Variants in SMC2 observed in about 807,000 individuals in gnomAD.
SMC2 encodes the protein structural maintenance of chromosomes 2.
In SMC2, 41 loss-of-function variants were observed where a neutral mutation model predicts 142.6. The observed-to-expected ratio is 0.29, with a 90% CI of 0.22 to 0.37. The LOEUF (loss-of-function observed/expected upper bound fraction) is 0.37. Among genes scored for constraint, SMC2 ranks in the 10% least tolerant of loss-of-function variants. The pLI is 1.00. For synonymous variants in SMC2, 463 were observed against 457.5 expected, an observed-to-expected ratio of 1.01 and a Z score of -0.15; for missense variants, 1,265 against 1,373.7, an observed-to-expected ratio of 0.92 and a Z score of 1.25.
intron 22 of SMC2, among the ~76,000 whole-genome samples, 193 bp downstream of exon 22, chr9:104,132,318 C>T (rs1835069538): frequency 6.6e-6 from 1 of 152,072 alleles, no homozygotes; most frequent in South Asian, 2.1e-4. Flanking sequence ...TCCTGGCATT[C>T]TTGTACTTCT....
intron 18 of SMC2, among the ~76,000 whole-genome samples, chr9:104,125,720 T>C (rs1834194650): frequency 6.6e-6 from 1 of 152,196 alleles, no homozygotes; most frequent in Admixed American, 6.5e-5. Context: ...CAAAGCATGT[T>C]ATATTTACAA....
chr9:104,136,755 CTT>C (rs755408895), intron 23 of SMC2, among the ~76,000 whole-genome samples: 11 of 119,800 alleles, frequency 9.2e-5, no homozygotes, highest in Middle Eastern at 4.1e-3. Flanking sequence ...CTGTTTTATT[CTT>C]TTTTTTTTTT....
chr9:104,114,108 A>T (rs141153206), intron 12 of SMC2, 27 bp downstream of exon 12: 18,628 of 1,288,376 alleles, frequency 0.014, 176 homozygotes, highest in Non-Finnish European at 0.018. Flanking sequence ...TTGAATTTTA[A>T]CATAGTAATA....
chr9:104,134,161 A>G (rs112014162), intron 22 of SMC2, among the ~76,000 whole-genome samples: 11 of 152,052 alleles, frequency 7.2e-5, no homozygotes, highest in African/African-American at 2.7e-4. Context: ...AAAGGGCCAT[A>G]TAGTAAATAT....
intron 16 of SMC2, 71 bp from the exon 17 acceptor site, chr9:104,123,037 T>A: frequency 5.4e-6 from 8 of 1,476,566 alleles, no homozygotes; most frequent in Non-Finnish European, 4.6e-6. Context: ...GGTAAGAATC[T>A]GAAGTTTGAA....
intron 16 of SMC2, among the ~76,000 whole-genome samples, chr9:104,122,647 A>G (rs1833863178): frequency 1.3e-5 from 2 of 152,132 alleles, no homozygotes; most frequent in African/African-American, 4.8e-5. Flanking sequence ...TAAACAACTA[A>G]GTTCAAAACT....
intron 23 of SMC2, among the ~76,000 whole-genome samples, chr9:104,136,857 G>A (rs1000347323): frequency 2.0e-5 from 3 of 148,370 alleles, no homozygotes; most frequent in South Asian, 2.1e-4. Context: ...AATGCAGCAA[G>A]CCTTCGGCCA....
Position 104,111,522 on chromosome 9 carries a change from A to G in SMC2, c.1021-59A>G. The stretch of plus-strand genomic sequence containing the variant: ...TTTTATTACATAAGGGTATGCGTAT[A>G]AGAAAGTGGGTGTTTTTCCTGAAAT... On this transcript the variant is annotated intron_variant, in intron 9 of 24. Coordinates refer to ENST00000374793, the MANE Select transcript of SMC2 (RefSeq NM_006444.3). The G allele has an allele frequency of 6.5e-6, 7 of 1,079,144 alleles. No homozygotes were observed. In the South Asian group the frequency reaches 8.5e-5, roughly 13 times the overall value. The allele number at this position is 1,079,144 out of a possible 1,614,324, so 66.8% of individuals were successfully genotyped here.
At chr9:104,096,902 A>ATCTT (rs1258568692) in intron 3 of SMC2, among the ~76,000 whole-genome samples, 1 of 152,092 alleles carries the variant, frequency 6.6e-6, no homozygotes, top group Admixed American at 6.6e-5. Flanking sequence ...GCATTCATCT[A>ATCTT]TCTTTCTTTC....
intron 9 of SMC2, among the ~76,000 whole-genome samples, chr9:104,110,243 A>G (rs985109617): frequency 1.3e-5 from 2 of 152,206 alleles, no homozygotes; most frequent in African/African-American, 2.4e-5. Context: ...GCTACAAAAA[A>G]TAGTTGAGTG....
chr9:104,088,413 G>A, the SMC2 span, among the ~76,000 whole-genome samples: 1 of 152,018 alleles, frequency 6.6e-6, no homozygotes, highest in Non-Finnish European at 1.5e-5. Context: ...TGAGAATGGA[G>A]GTCAGAAGAA....
intron 18 of SMC2, among the ~76,000 whole-genome samples, chr9:104,126,046 A>G (rs907922830): frequency 2.0e-5 from 3 of 152,188 alleles, no homozygotes; most frequent in South Asian, 2.1e-4. Flanking sequence ...CTGTGGCATT[A>G]GATTCTCAGA....
intron 23 of SMC2, among the ~76,000 whole-genome samples, 170 bp downstream of exon 23, chr9:104,134,745 A>G (rs1408387507): frequency 6.6e-6 from 1 of 152,144 alleles, no homozygotes; most frequent in Non-Finnish European, 1.5e-5. Flanking sequence ...TAGGTGACAA[A>G]GGAGGAATAA....
rs140696209 is a variant in SMC2 at position 104,129,690 on chromosome 9, C to T, written c.2836C>T (p.His946Tyr). 5.1e-5 allele frequency: 82 copies of T among 1,613,834 alleles called. No individual in the cohort carries two copies. The highest frequency in any genetic ancestry group is 6.3e-5 in the Non-Finnish European group (74 of 1,179,928). The change falls in exon 21 of 25, where the codon CAC becomes TAC. Residue 946 changes from histidine to tyrosine, a missense_variant. Physicochemically the swap from His to Tyr is moderately conservative, Grantham distance 83 (BLOSUM62 2). This residue lies in a region of SMC2 where 898 missense variants were observed against 904.2 expected (regional missense o/e 0.99). Coordinates refer to ENST00000374793, the MANE Select transcript of SMC2 (RefSeq NM_006444.3). ...KDYDWINAERHLFGQPNSAYD... is the reference protein window; with the variant it reads ...KDYDWINAERYLFGQPNSAYD... The stretch of plus-strand genomic sequence containing the variant: ...TTATGACTGGATTAATGCAGAGAGA[C>T]ACCTCTTTGGCCAACCCAATAGTGC...
intron 9 of SMC2, among the ~76,000 whole-genome samples, chr9:104,109,231 C>A (rs1048866157): frequency 6.6e-6 from 1 of 152,170 alleles, no homozygotes; most frequent in Non-Finnish European, 1.5e-5. Context: ...ACTACCCAAA[C>A]CCACCTGAGT....
intron 15 of SMC2, among the ~76,000 whole-genome samples, chr9:104,118,923 G>A (rs780699587): frequency 6.6e-6 from 1 of 152,072 alleles, no homozygotes; most frequent in Non-Finnish European, 1.5e-5. Context: ...TAATAACAAC[G>A]ATGAGGTAGG....
chr9:104,134,640 T>A, intron 23 of SMC2, 65 bp downstream of exon 23: 3 of 1,131,756 alleles, frequency 2.7e-6, no homozygotes, highest in Non-Finnish European at 3.7e-6. Flanking sequence ...CTCCTTACCT[T>A]AAAACTGTAT....
chr9:104,139,471 A>G lies in SMC2; in HGVS notation c.*156A>G, dbSNP rs912237269. 8.9e-6 allele frequency: 5 copies of G among 560,644 alleles called. No homozygotes were observed. The highest frequency in any genetic ancestry group is 2.8e-5 in the South Asian group (1 of 35,430). 34.7% of individuals were successfully genotyped at this position (560,644 alleles called of 1,614,324 possible). A position where few individuals can be genotyped will look rare whatever the true frequency, so the allele number is the denominator to read the frequency against. ...AATCACTTATCGCTTACAAATGAGCATATATTCCTCATCTCTTAACTAGTC... is the reference window on the plus strand; with the variant it reads ...AATCACTTATCGCTTACAAATGAGCGTATATTCCTCATCTCTTAACTAGTC... On this transcript the variant is annotated 3_prime_UTR_variant, in exon 25 of 25. Transcript: ENST00000374793.
chr9:104,102,081 TAAAAG>T lies in SMC2; in HGVS notation c.762_766del (p.Lys254AsnfsTer4), dbSNP rs1564072646. ...ACCAAAGTACGCTCAGCTGAGGAAT[TAAAAG>T]AAATGCAAGATAAAGTTATAAAGCT... On this transcript the variant is annotated frameshift_variant, in exon 8 of 25. Coordinates refer to ENST00000374793, the MANE Select transcript of SMC2 (RefSeq NM_006444.3). LOFTEE classifies it high-confidence loss of function. 1 of 1,609,444 alleles carries T rather than the reference TAAAAG, an allele frequency of 6.2e-7. No individual in the cohort carries two copies. The highest frequency in any genetic ancestry group is 1.7e-5 in the Admixed American group (1 of 59,980).
Sources: gnomAD v4.1 joint callset for allele counts (sites outside exome capture counted in the v4.1 genomes callset) on GRCh38, gnomAD v4.1.1 for gene constraint, gnomAD v4.1.1 regional missense constraint, MANE v1.5 for transcripts, NCBI Gene and HGNC (gene_info 2026-07-23, HGNC 2026-07-21) for gene names.